Variants in PACRG observed in about 807,000 individuals in gnomAD.
PACRG encodes the protein parkin coregulated gene protein.
Under a neutral mutation model 29.7 loss-of-function variants are expected in PACRG, and 29 were observed. The ratio of observed to expected loss-of-function variants is 0.98; its 90% CI spans 0.73 to 1.33. The LOEUF (loss-of-function observed/expected upper bound fraction) is 1.33, where lower values mean the gene tolerates loss of function less well. Ranked by LOEUF, PACRG falls within the 40% of genes most tolerant of loss-of-function variation. The pLI, the probability that PACRG is intolerant of heterozygous loss-of-function variation, is 0.00. For synonymous variants in PACRG, 116 were observed against 118.7 expected (o/e 0.98, Z 0.15); for missense variants, 279 against 316.2 (o/e 0.88, Z 0.89).
chr6:162,994,889 T>C (rs1803823641), intron 2 of PACRG, among the ~76,000 whole-genome samples: 1 of 149,462 alleles, frequency 6.7e-6, no homozygotes, highest in Admixed American at 6.6e-5. Flanking sequence ...CTTTTGGTCT[T>C]TGATGATGGT....
intron 2 of PACRG, among the ~76,000 whole-genome samples, chr6:163,000,700 T>C (rs781615340): frequency 6.6e-6 from 1 of 152,136 alleles, no homozygotes; most frequent in Non-Finnish European, 1.5e-5. Context: ...GAAATTCACG[T>C]GATCGTCATT....
intron 2 of PACRG, among the ~76,000 whole-genome samples, chr6:162,896,849 C>A (rs1795206945): frequency 6.6e-6 from 1 of 152,088 alleles, no homozygotes; most frequent in Non-Finnish European, 1.5e-5. Flanking sequence ...ATGTGTCATT[C>A]CAAAACCAAT....
chr6:162,983,380 C>G (rs1487250717), intron 2 of PACRG, among the ~76,000 whole-genome samples: 1 of 149,216 alleles, frequency 6.7e-6, no homozygotes, highest in Non-Finnish European at 1.5e-5. Flanking sequence ...ATTTTTTTTT[C>G]CATTGTGTTA....
At chr6:162,927,491 C>T (rs994445266) in intron 2 of PACRG, among the ~76,000 whole-genome samples, 26 of 151,976 alleles carry the variant, frequency 1.7e-4, no homozygotes, top group African/African-American at 6.0e-4. Flanking sequence ...AATGAGATTA[C>T]TTCCTCTGCA....
upstream of PACRG, chr6:162,727,314 A>AAGGTGAGGGGCGGCGGCGGGGCGT: frequency 2.8e-6 from 1 of 352,158 alleles, no homozygotes; most frequent in Non-Finnish European, 5.1e-6. Context: ...CGGCGGGGCG[A>AAGGTGAGGGGCGGCGGCGGGGCGT]AGGTGAGGGG....
At chr6:162,776,725 A>G (rs1311324084) in intron 1 of PACRG, among the ~76,000 whole-genome samples, 1 of 152,192 alleles carries the variant, frequency 6.6e-6, no homozygotes, top group African/African-American at 2.4e-5. Context: ...TTTCATAGTC[A>G]GTCTGCTTCT....
chr6:163,100,741 T>C, intron 4 of PACRG: 1 of 957,914 alleles, frequency 1.0e-6, no homozygotes, highest in Non-Finnish European at 1.2e-6. Context: ...TTCTTAAAAA[T>C]CTGTAATTTT....
At chr6:162,947,607 T>TAC (rs1799269209) in intron 2 of PACRG, among the ~76,000 whole-genome samples, 1 of 58,310 alleles carries the variant, frequency 1.7e-5, no homozygotes, top group Non-Finnish European at 3.4e-5. Flanking sequence ...TATATATATA[T>TAC]AATCATATAT....
chr6:163,029,686 C>G (rs1807475267), intron 2 of PACRG, among the ~76,000 whole-genome samples: 1 of 152,156 alleles, frequency 6.6e-6, no homozygotes, highest in South Asian at 2.1e-4. Context: ...TCATGTCTAG[C>G]TGTGATTCCT....
chr6:163,286,856 ATG>A (rs1784418623), intron 4 of PACRG, among the ~76,000 whole-genome samples: 1 of 152,080 alleles, frequency 6.6e-6, no homozygotes, highest in South Asian at 2.1e-4. Context: ...ATGTGTATTT[ATG>A]TGTGTGTTTA....
chr6:162,743,386 G>C (rs1780746549), intron 1 of PACRG, among the ~76,000 whole-genome samples: 1 of 152,052 alleles, frequency 6.6e-6, no homozygotes, highest in Non-Finnish European at 1.5e-5. Context: ...AATCACTCTT[G>C]AATTATTCCC....
intron 2 of PACRG, among the ~76,000 whole-genome samples, chr6:162,842,020 G>C (rs75218539): frequency 0.076 from 11,387 of 150,168 alleles, 636 homozygotes; most frequent in South Asian, 0.23. Flanking sequence ...TTCCAAGTAT[G>C]TGGTCAATTT....
chr6:162,950,268 C>T (rs113315857), intron 2 of PACRG, among the ~76,000 whole-genome samples: 5 of 152,126 alleles, frequency 3.3e-5, no homozygotes, highest in East Asian at 3.9e-4. Flanking sequence ...GAGGCCGAGA[C>T]GGGTGGATCG....
intron 2 of PACRG, among the ~76,000 whole-genome samples, chr6:162,987,840 T>A (rs552871182): frequency 2.3e-4 from 35 of 152,302 alleles, no homozygotes; most frequent in African/African-American, 8.2e-4. Context: ...CAAATGCTGA[T>A]TATGCTAGCA....
At chr6:163,277,466 GGTGT>G (rs1344428132) in intron 4 of PACRG, among the ~76,000 whole-genome samples, 4 of 132,206 alleles carry the variant, frequency 3.0e-5, no homozygotes, top group Non-Finnish European at 6.3e-5. Flanking sequence ...AGTATCTCAT[GGTGT>G]GTGTGTATGT....
At chr6:162,802,806 C>T (rs113846774) in intron 1 of PACRG, among the ~76,000 whole-genome samples, 2 of 152,130 alleles carry the variant, frequency 1.3e-5, no homozygotes, top group African/African-American at 2.4e-5. Flanking sequence ...AAAATGGTCT[C>T]TCTCACTTGT....
At chr6:162,926,302 A>G (rs1797436280) in intron 2 of PACRG, among the ~76,000 whole-genome samples, 1 of 152,156 alleles carries the variant, frequency 6.6e-6, no homozygotes, top group Admixed American at 6.6e-5. Context: ...TAGAAAAAAA[A>G]CTACTTTAAA....
intron 2 of PACRG, chr6:163,046,512 T>C (rs1562863589): frequency 1.3e-5 from 2 of 151,990 alleles, no homozygotes; most frequent in Non-Finnish European, 2.9e-5. Flanking sequence ...GATGAACTAA[T>C]AATGCCCAGA....
chr6:162,766,530 C>T (rs987954034), intron 1 of PACRG, among the ~76,000 whole-genome samples: 2 of 152,216 alleles, frequency 1.3e-5, no homozygotes, highest in Admixed American at 1.3e-4. Flanking sequence ...GTGCAAACAC[C>T]TTTTCAATGT....
Sources: allele counts gnomAD v4.1 joint callset (sites outside exome capture counted in the v4.1 genomes callset), GRCh38; gene constraint gnomAD v4.1.1; transcripts MANE v1.5; gene names NCBI Gene and HGNC (gene_info 2026-07-23, HGNC 2026-07-21).